Variants in COX7B2 observed in about 807,000 individuals in gnomAD.
The protein encoded by COX7B2 is cytochrome c oxidase subunit 7B2.
For synonymous variants in COX7B2, 37 were observed against 32.1 expected, an observed-to-expected ratio of 1.15 and a Z score of -0.51; for missense variants, 109 against 95.9, an observed-to-expected ratio of 1.14 and a Z score of -0.57.
chr4:46,758,337 A>G lies in COX7B2; in HGVS notation c.-49-23096T>C, dbSNP rs541919049. ...AAGTGGGTGGTTGACATGGCTCTTC[A>G]AAAGAGAGTCAGTTATCTCAACTAA... On this transcript the variant is annotated intron_variant, in intron 2 of 2. Transcript: ENST00000355591. 7.3e-4 allele frequency among the ~76,000 whole-genome samples: 111 copies of G among 152,266 alleles called. 1 individual carries two copies. The highest frequency in any genetic ancestry group is 1.5e-3 in the Non-Finnish European group (103 of 68,010).
intron 1 of COX7B2, among the ~76,000 whole-genome samples, chr4:46,866,027 C>A (rs1717641389): frequency 6.6e-6 from 1 of 152,178 alleles, no homozygotes; most frequent in Non-Finnish European, 1.5e-5. Context: ...CTTTTGCATC[C>A]ATTGCTGTGT....
chr4:46,825,388 C>G (rs989631593), intron 2 of COX7B2, among the ~76,000 whole-genome samples: 1 of 151,970 alleles, frequency 6.6e-6, no homozygotes, highest in East Asian at 1.9e-4. Flanking sequence ...ATAAAAGACT[C>G]AAACAAATAG....
chr4:46,889,990 T>C lies in COX7B2; in HGVS notation c.-105+19170A>G, dbSNP rs77926073. Among the ~76,000 whole-genome samples, 763 of 151,550 alleles carry C rather than the reference T, an allele frequency of 5.0e-3. 3 individuals are homozygous for C. The highest frequency in any genetic ancestry group is 0.017 in the African/African-American group (710 of 41,320). On this transcript the variant is annotated intron_variant, in intron 1 of 2. Transcript: ENST00000355591. The stretch of plus-strand genomic sequence containing the variant: ...AAAAATGACTTATCCAAAAAAGAAA[T>C]ATATGCCAGCATCCTGAATGGTAAG...
chr4:46,872,774 A>C (rs983260187), intron 1 of COX7B2, among the ~76,000 whole-genome samples: 2 of 152,106 alleles, frequency 1.3e-5, no homozygotes, highest in African/African-American at 4.8e-5. Flanking sequence ...AACTTCCCTC[A>C]TCCACAAAAT....
intron 2 of COX7B2, among the ~76,000 whole-genome samples, chr4:46,744,376 C>T (rs960285007): frequency 2.0e-5 from 3 of 152,068 alleles, no homozygotes; most frequent in South Asian, 2.1e-4. Context: ...GTCGGAGAGA[C>T]GAATTTGAGA....
At chr4:46,836,384 A>G (rs1238774506) in intron 2 of COX7B2, among the ~76,000 whole-genome samples, 1 of 151,904 alleles carries the variant, frequency 6.6e-6, no homozygotes, top group Non-Finnish European at 1.5e-5. Context: ...AAAGTAGTTA[A>G]AATCTAAAAT....
At chr4:46,847,974 A>G (rs1241169746) in intron 1 of COX7B2, among the ~76,000 whole-genome samples, 1 of 152,054 alleles carries the variant, frequency 6.6e-6, no homozygotes, top group Non-Finnish European at 1.5e-5. Flanking sequence ...GGTAGAAGCC[A>G]GAAAGTGTTT....
rs192459951 is a variant in COX7B2 at position 46,773,470 on chromosome 4, G to T, written c.-49-38229C>A. Among the ~76,000 whole-genome samples, 157 of 152,238 alleles carry T rather than the reference G, an allele frequency of 1.0e-3. 1 individual carries two copies. The highest frequency in any genetic ancestry group is 0.01 in the Middle Eastern group (3 of 294). The stretch of plus-strand genomic sequence containing the variant: ...GGCCCCCCCAGTCATGCTGAACTGT[G>T]AGTCAATTAAACATCTTTCCTTTGT... On this transcript the variant is annotated intron_variant, in intron 2 of 2. Transcript: ENST00000355591.
chr4:46,753,541 A>G (rs1204027674), intron 2 of COX7B2, among the ~76,000 whole-genome samples: 2 of 151,758 alleles, frequency 1.3e-5, no homozygotes, highest in Non-Finnish European at 2.9e-5. Context: ...TCCCTTCCTT[A>G]CACCTTATAC....
At chr4:46,854,229 T>C (rs897774422) in intron 1 of COX7B2, among the ~76,000 whole-genome samples, 4 of 152,164 alleles carry the variant, frequency 2.6e-5, no homozygotes, top group Non-Finnish European at 5.9e-5. Flanking sequence ...AGCTAATATG[T>C]TGAGTTTTTA....
chr4:46,843,045 A>G (rs994391791), intron 2 of COX7B2, among the ~76,000 whole-genome samples: 2 of 152,098 alleles, frequency 1.3e-5, no homozygotes, highest in Non-Finnish European at 2.9e-5. Context: ...CTATTTCTCC[A>G]CATCCTCTCC....
At chr4:46,844,539 G>C (rs1163493205) in intron 2 of COX7B2, among the ~76,000 whole-genome samples, 1 of 151,850 alleles carries the variant, frequency 6.6e-6, no homozygotes. Flanking sequence ...TGAAATGATG[G>C]ATGGCATATT....
chr4:46,877,633 T>A (rs941169568), intron 1 of COX7B2, among the ~76,000 whole-genome samples: 2 of 152,034 alleles, frequency 1.3e-5, no homozygotes, highest in African/African-American at 2.4e-5. Context: ...AGCATCAACA[T>A]CAATAATAAT....
intron 2 of COX7B2, among the ~76,000 whole-genome samples, chr4:46,807,150 C>G (rs1325325724): frequency 6.6e-6 from 1 of 151,838 alleles, no homozygotes; most frequent in Admixed American, 6.6e-5. Flanking sequence ...CAAGAGATCC[C>G]TCTTCTCCAC....
chr4:46,888,469 A>G (rs532531140), intron 1 of COX7B2, among the ~76,000 whole-genome samples: 1 of 148,216 alleles, frequency 6.7e-6, no homozygotes, highest in East Asian at 2.0e-4. Context: ...TTTGAGACGG[A>G]GTCTTGATCT....
At chr4:46,742,469 T>C (rs1714774303) in intron 2 of COX7B2, among the ~76,000 whole-genome samples, 1 of 152,166 alleles carries the variant, frequency 6.6e-6, no homozygotes, top group East Asian at 1.9e-4. Context: ...TCACAATATA[T>C]TCAAGTTTTC....
rs374028430 is a variant in COX7B2, at chr4:46,756,734, C to A, written c.-49-21493G>T. On this transcript the variant is annotated intron_variant, in intron 2 of 2. Coordinates refer to ENST00000355591, the MANE Select transcript of COX7B2 (RefSeq NM_130902.3). Reference sequence around the variant, plus strand: ...GTCATCAGAGAAATGCAAAGAAAAACCATAATGAGATACTATCGTATAGCA... The same window carrying A: ...GTCATCAGAGAAATGCAAAGAAAAAACATAATGAGATACTATCGTATAGCA... Among the ~76,000 whole-genome samples the A allele has an allele frequency of 3.9e-5, 6 of 151,902 alleles. No homozygotes were observed. The East Asian group carries it at 1.2e-3, about 29-fold the overall frequency.
intron 2 of COX7B2, among the ~76,000 whole-genome samples, chr4:46,759,460 G>A (rs1377202830): frequency 6.6e-6 from 1 of 151,548 alleles, no homozygotes; most frequent in Admixed American, 6.6e-5. Context: ...TCAGACAAAG[G>A]GCTAATATCA....
chr4:46,764,905 C>A (rs1400589912), intron 2 of COX7B2, among the ~76,000 whole-genome samples: 1 of 151,614 alleles, frequency 6.6e-6, no homozygotes, highest in African/African-American at 2.4e-5. Flanking sequence ...AAAAAAAACA[C>A]AAATGAACTA....
Sources: gnomAD v4.1 joint callset for allele counts (sites outside exome capture counted in the v4.1 genomes callset) on GRCh38, gnomAD v4.1.1 for gene constraint, MANE v1.5 for transcripts, NCBI Gene and HGNC (gene_info 2026-07-23, HGNC 2026-07-21) for gene names.